PPP3CA: variants seen among roughly 807,000 people sequenced by gnomAD.
PPP3CA encodes CAM-PRP catalytic subunit.
Under a neutral mutation model 66.5 loss-of-function variants are expected in PPP3CA, and 14 were observed. The ratio of observed to expected loss-of-function variants is 0.21; its 90% confidence interval spans 0.14 to 0.33. The LOEUF (loss-of-function observed/expected upper bound fraction) is 0.33, where lower values mean the gene tolerates loss of function less well. Among genes scored for constraint, PPP3CA ranks in the 10% least tolerant of loss-of-function variants. The pLI is 1.00. For missense variants in PPP3CA, 317 were observed against 639.5 expected (o/e 0.50, Z 5.44); for synonymous variants, 232 against 226.2 (o/e 1.03, Z -0.23).
At chr4:101,238,681 C>T (rs1726203336) in intron 1 of PPP3CA, among the ~76,000 whole-genome samples, 1 of 151,986 alleles carries the variant, frequency 6.6e-6, no homozygotes. Flanking sequence ...TTTTCTACTT[C>T]AAGAATCAAT....
At chr4:101,149,900 A>G (rs1723084728) in intron 2 of PPP3CA, among the ~76,000 whole-genome samples, 2 of 152,244 alleles carry the variant, frequency 1.3e-5, no homozygotes, top group South Asian at 4.2e-4. Flanking sequence ...CTTCACAATA[A>G]TCCTACTGCC....
Position 101,246,858 on chromosome 4 carries a change from CT to C in PPP3CA, c.59-50743del, listed in dbSNP as rs1171945550. 3.9e-4 allele frequency among the ~76,000 whole-genome samples: 60 copies of C among 152,112 alleles called. 1 individual carries two copies. The highest frequency in any genetic ancestry group is 1.4e-3 in the African/African-American group (58 of 41,412). On this transcript the variant is annotated intron_variant, in intron 1 of 13. Transcript: ENST00000394854. ...GCTAATGAGGCAAAGGTGAAAAAAA[CT>C]CATTCTGAGCCAATTGACTTAACCT...
intron 1 of PPP3CA, among the ~76,000 whole-genome samples, chr4:101,320,232 T>C (rs1362309401): frequency 6.6e-6 from 1 of 151,870 alleles, no homozygotes; most frequent in East Asian, 1.9e-4. Flanking sequence ...TATTCAAAAC[T>C]GTGATTTTAA....
At chr4:101,308,454 A>T (rs185960623) in intron 1 of PPP3CA, among the ~76,000 whole-genome samples, 11 of 152,078 alleles carry the variant, frequency 7.2e-5, no homozygotes, top group African/African-American at 2.7e-4. Flanking sequence ...GTAATATTTC[A>T]GATTTTTTTT....
At chr4:101,133,634 G>C (rs1326845683) in intron 2 of PPP3CA, among the ~76,000 whole-genome samples, 1 of 152,108 alleles carries the variant, frequency 6.6e-6, no homozygotes, top group African/African-American at 2.4e-5. Context: ...CTCATGGATA[G>C]GAAGGATCAA....
At chr4:101,158,473 G>A (rs1373592068) in intron 2 of PPP3CA, among the ~76,000 whole-genome samples, 7 of 152,202 alleles carry the variant, frequency 4.6e-5, no homozygotes, top group Non-Finnish European at 7.3e-5. Context: ...TTGTTGTTGA[G>A]GTTCAAATGA....
At chr4:101,221,964 T>C (rs181349620) in intron 1 of PPP3CA, among the ~76,000 whole-genome samples, 141 of 151,746 alleles carry the variant, frequency 9.3e-4, no homozygotes, top group Non-Finnish European at 1.7e-3. Context: ...ATAGGAGATA[T>C]CAAATCAGTA....
Position 101,062,048 on chromosome 4 carries a change from G to A in PPP3CA, c.1082-887C>T, listed in dbSNP as rs117207599. On this transcript the variant is annotated intron_variant, in intron 9 of 13. Coordinates refer to ENST00000394854, the MANE Select transcript of PPP3CA (RefSeq NM_000944.5). ...GAGTTTCAGTTTAATTATCAAAACT[G>A]GATTTTGTGTACCAATAGATTAATA... Among the ~76,000 whole-genome samples, 6 of 151,990 alleles carry A rather than the reference G, an allele frequency of 3.9e-5. No homozygotes were observed. In the East Asian group the frequency reaches 1.2e-3, roughly 29 times the overall value.
intron 1 of PPP3CA, among the ~76,000 whole-genome samples, chr4:101,321,960 C>A (rs932852573): frequency 6.6e-6 from 1 of 152,186 alleles, no homozygotes; most frequent in Non-Finnish European, 1.5e-5. Context: ...AGAAGGTTGG[C>A]CCTTTCCCTC....
At chr4:101,060,624 TTGGGA>T (rs1403957621) in intron 10 of PPP3CA, among the ~76,000 whole-genome samples, 2 of 152,216 alleles carry the variant, frequency 1.3e-5, no homozygotes, top group South Asian at 2.1e-4. Flanking sequence ...AGAAGAAATA[TTGGGA>T]TTGAAATAAA....
chr4:101,261,292 T>G (rs1340409380), intron 1 of PPP3CA, among the ~76,000 whole-genome samples: 1 of 152,026 alleles, frequency 6.6e-6, no homozygotes, highest in Non-Finnish European at 1.5e-5. Flanking sequence ...AGAAGTATAG[T>G]CAGTTTTCAA....
At chr4:101,175,071 T>C (rs1472497156) in intron 2 of PPP3CA, among the ~76,000 whole-genome samples, 2 of 152,052 alleles carry the variant, frequency 1.3e-5, no homozygotes, top group African/African-American at 4.8e-5. Context: ...AGATAATCTA[T>C]AATGCTAGAA....
chr4:101,189,502 T>C (rs1175206396), intron 2 of PPP3CA, among the ~76,000 whole-genome samples: 2 of 151,924 alleles, frequency 1.3e-5, no homozygotes, highest in African/African-American at 2.4e-5. Context: ...GAAATAGACA[T>C]AGTTGAACTG....
intron 1 of PPP3CA, among the ~76,000 whole-genome samples, chr4:101,256,752 A>T (rs1395137253): frequency 1.3e-5 from 2 of 152,164 alleles, no homozygotes; most frequent in East Asian, 3.9e-4. Context: ...GAAGCACTGT[A>T]ATGTTAGGGT....
rs769751429 is a variant in PPP3CA at position 101,025,826 on chromosome 4, A to G, written c.*39T>C. ...CCCATCATGCCCCGCAGCTCAAAAA[A>G]AAAAAAAAAAAAAAAAAAAAAAAGT... On this transcript the variant is annotated 3_prime_UTR_variant, in exon 14 of 14. Coordinates refer to ENST00000394854, the MANE Select transcript of PPP3CA (RefSeq NM_000944.5). 1 of 960,668 alleles carries G rather than the reference A, an allele frequency of 1.0e-6. No individual in the cohort carries two copies. Among genetic ancestry groups the G allele is most frequent in the Admixed American group, 4.1e-5 (1 of 24,410 alleles). 59.5% of individuals were successfully genotyped at this position (960,668 alleles called of 1,614,324 possible).
intron 8 of PPP3CA, among the ~76,000 whole-genome samples, chr4:101,077,298 T>C (rs1234098653): frequency 6.6e-6 from 1 of 152,238 alleles, no homozygotes; most frequent in Non-Finnish European, 1.5e-5. Context: ...ATTACTGCTG[T>C]CTTAAGCTGC....
intron 2 of PPP3CA, among the ~76,000 whole-genome samples, chr4:101,124,735 G>GAGAAAGAAAGAA (rs1722173565): frequency 1.5e-5 from 1 of 68,584 alleles, no homozygotes; most frequent in Non-Finnish European, 2.8e-5. Flanking sequence ...GAGAAAGAAA[G>GAGAAAGAAAGAA]AAAGAAAGAA....
At chr4:101,120,206 A>T (rs1477539467) in intron 2 of PPP3CA, among the ~76,000 whole-genome samples, 1 of 152,114 alleles carries the variant, frequency 6.6e-6, no homozygotes, top group Non-Finnish European at 1.5e-5. Flanking sequence ...TATCCAAACA[A>T]TGAATAAAAC....
intron 2 of PPP3CA, among the ~76,000 whole-genome samples, chr4:101,190,466 A>G (rs924037413): frequency 2.0e-5 from 3 of 152,308 alleles, no homozygotes; most frequent in African/African-American, 7.2e-5. Context: ...CGTAATTGTA[A>G]TGACTGTCAA....
Sources: gnomAD v4.1 joint callset for allele counts (sites outside exome capture counted in the v4.1 genomes callset) on GRCh38, gnomAD v4.1.1 for gene constraint, MANE v1.5 for transcripts, NCBI Gene and HGNC (gene_info 2026-07-23, HGNC 2026-07-21) for gene names.